CNTNAP5: variants seen among roughly 807,000 people sequenced by gnomAD.
The protein encoded by CNTNAP5 is contactin-associated protein-like 5.
CNTNAP5 carries 72 observed loss-of-function variants against 150.2 expected under a neutral mutation model. The ratio of observed to expected loss-of-function variants is 0.48; its 90% CI spans 0.40 to 0.58. The LOEUF (loss-of-function observed/expected upper bound fraction) is 0.58. Ranked by LOEUF, CNTNAP5 falls within the 20% of genes least tolerant of loss-of-function variation. The pLI, the probability that CNTNAP5 is intolerant of heterozygous loss-of-function variation, is 0.00. For missense variants in CNTNAP5, 1,636 were observed against 1,626.2 expected, an observed-to-expected ratio of 1.01 and a Z score of -0.10; for synonymous variants, 672 against 619.8, an observed-to-expected ratio of 1.08 and a Z score of -1.25.
intron 8 of CNTNAP5, among the ~76,000 whole-genome samples, chr2:124,517,852 T>C (rs754375056): frequency 6.6e-6 from 1 of 150,988 alleles, no homozygotes; most frequent in Non-Finnish European, 1.5e-5. Context: ...TTGTTCCTAA[T>C]GGTGTTGATG....
At chr2:124,818,580 T>G (rs1261544758) in intron 19 of CNTNAP5, among the ~76,000 whole-genome samples, 2 of 152,106 alleles carry the variant, frequency 1.3e-5, no homozygotes, top group African/African-American at 2.4e-5. Context: ...ATCCCTTCAC[T>G]TATAGCTTCA....
At chr2:124,048,635 A>G (rs1424780385) in intron 1 of CNTNAP5, among the ~76,000 whole-genome samples, 1 of 152,228 alleles carries the variant, frequency 6.6e-6, no homozygotes, top group African/African-American at 2.4e-5. Context: ...AAATTCAAAA[A>G]TGAAAAGATT....
chr2:124,353,054 A>T lies in CNTNAP5; in HGVS notation c.382-64389A>T, dbSNP rs184530429. 5.3e-5 allele frequency among the ~76,000 whole-genome samples: 8 copies of T among 152,262 alleles called. No individual in the cohort carries two copies. The East Asian group carries it at 1.5e-3, about 29-fold the overall frequency. The stretch of plus-strand genomic sequence containing the variant: ...CTTGACAGGGCCACAGAACTGGGTG[A>T]GCCACATTGAGCGAGGTCTCCAGGG... On this transcript the variant is annotated intron_variant, in intron 3 of 23. Coordinates refer to ENST00000682447, the MANE Select transcript of CNTNAP5 (RefSeq NM_001367498.1).
At chr2:124,363,433 A>G (rs1690273344) in intron 3 of CNTNAP5, among the ~76,000 whole-genome samples, 2 of 152,172 alleles carry the variant, frequency 1.3e-5, no homozygotes, top group African/African-American at 4.8e-5. Context: ...CCAAAATAAC[A>G]TCACTTTTTC....
intron 3 of CNTNAP5, among the ~76,000 whole-genome samples, chr2:124,315,611 A>G (rs1485934192): frequency 4.6e-5 from 7 of 152,208 alleles, no homozygotes; most frequent in African/African-American, 1.7e-4. Flanking sequence ...TTTTAAAAAA[A>G]TACTTGAAAG....
chr2:124,510,293 C>CTATATCTATATA (rs1558933255), intron 8 of CNTNAP5, among the ~76,000 whole-genome samples: 9 of 22,104 alleles, frequency 4.1e-4, no homozygotes, highest in African/African-American at 7.3e-4. Context: ...ATCTATATAT[C>CTATATCTATATA]TATATATCTA....
intron 3 of CNTNAP5, among the ~76,000 whole-genome samples, chr2:124,408,716 C>T (rs1055453512): frequency 4.6e-5 from 7 of 150,618 alleles, no homozygotes; most frequent in East Asian, 2.0e-4. Context: ...AAAGGACATC[C>T]ACACCAAAAA....
chr2:124,365,560 C>T (rs899084546), intron 3 of CNTNAP5, among the ~76,000 whole-genome samples: 1 of 152,122 alleles, frequency 6.6e-6, no homozygotes, highest in Non-Finnish European at 1.5e-5. Flanking sequence ...AAACAGTTGG[C>T]CCTGCATGTC....
intron 19 of CNTNAP5, among the ~76,000 whole-genome samples, chr2:124,825,770 A>T (rs1309279508): frequency 6.6e-6 from 1 of 152,144 alleles, no homozygotes; most frequent in Non-Finnish European, 1.5e-5. Context: ...CTGCTGCTGT[A>T]CTACACCAAG....
chr2:124,814,862 C>A (rs1682315391), intron 19 of CNTNAP5, among the ~76,000 whole-genome samples: 1 of 152,006 alleles, frequency 6.6e-6, no homozygotes, highest in Non-Finnish European at 1.5e-5. Flanking sequence ...AAAAGGGAGG[C>A]AATTTAAAAC....
At chr2:124,088,442 A>G (rs755474980) in intron 1 of CNTNAP5, among the ~76,000 whole-genome samples, 3 of 151,950 alleles carry the variant, frequency 2.0e-5, no homozygotes, top group Non-Finnish European at 2.9e-5. Context: ...ATTTTGATGT[A>G]TGCATTTATT....
chr2:124,423,951 A>G (rs533932617), intron 4 of CNTNAP5, among the ~76,000 whole-genome samples: 2 of 152,224 alleles, frequency 1.3e-5, no homozygotes, highest in South Asian at 4.1e-4. Flanking sequence ...GGCGTGAGCC[A>G]CCGCGCCCGG....
At chr2:124,597,556 T>C (rs12995929) in intron 11 of CNTNAP5, among the ~76,000 whole-genome samples, 64,669 of 148,510 alleles carry the variant, frequency 0.44, 14,729 homozygotes, top group East Asian at 0.8. Context: ...CCCGAACTTT[T>C]TCTCTGGCTG....
At chr2:124,546,381 TGTGC>T (rs1329544820) in intron 10 of CNTNAP5, among the ~76,000 whole-genome samples, 1 of 151,952 alleles carries the variant, frequency 6.6e-6, no homozygotes. Context: ...TGTGTGTGTG[TGTGC>T]AAGTGTGCAT....
chr2:124,621,428 A>G (rs1475509769), intron 12 of CNTNAP5, among the ~76,000 whole-genome samples: 1 of 152,174 alleles, frequency 6.6e-6, no homozygotes, highest in East Asian at 1.9e-4. Context: ...AAACCAACTT[A>G]CAAGTCTCCA....
At chr2:124,626,775 C>A (rs1009502428) in intron 12 of CNTNAP5, among the ~76,000 whole-genome samples, 2 of 152,198 alleles carry the variant, frequency 1.3e-5, no homozygotes, top group Non-Finnish European at 2.9e-5. Flanking sequence ...GCAGGTCCCA[C>A]TTCCATGGGC....
chr2:124,046,256 A>G, intron 1 of CNTNAP5, among the ~76,000 whole-genome samples: 1 of 152,204 alleles, frequency 6.6e-6, no homozygotes. Flanking sequence ...ATGACAGAAA[A>G]GGAAAACTTC....
chr2:124,858,728 A>G (rs1677440314), intron 19 of CNTNAP5, among the ~76,000 whole-genome samples: 1 of 152,210 alleles, frequency 6.6e-6, no homozygotes, highest in Non-Finnish European at 1.5e-5. Flanking sequence ...AAAAGAAACT[A>G]AATCATATCA....
chr2:124,282,492 C>A (rs1349985863), intron 3 of CNTNAP5, among the ~76,000 whole-genome samples: 2 of 152,146 alleles, frequency 1.3e-5, no homozygotes, highest in African/African-American at 2.4e-5. Flanking sequence ...TGATGCAGAT[C>A]TCTCCAGAAT....
Sources: gnomAD v4.1 joint callset for allele counts (sites outside exome capture counted in the v4.1 genomes callset) on GRCh38, gnomAD v4.1.1 for gene constraint, MANE v1.5 for transcripts, NCBI Gene and HGNC (gene_info 2026-07-23, HGNC 2026-07-21) for gene names.